RTL4: variants seen among roughly 807,000 people sequenced by gnomAD.
RTL4 encodes the protein retrotransposon Gag like 4, also known as retrotransposon Gag-like protein 4.
A neutral mutation model predicts 5.3 loss-of-function variants in RTL4; 4 were observed. The observed-to-expected ratio is 0.75, with a 90% confidence interval of 0.37 to 1.72. RTL4 has a LOEUF of 1.72. Among genes scored for constraint, RTL4 ranks in the 40% most tolerant of loss-of-function variants. The pLI is 0.04. For missense variants in RTL4, 260 were observed against 227.1 expected (o/e 1.14, Z -0.93); for synonymous variants, 98 against 87.3 (o/e 1.12, Z -0.68).
chrX:112,314,816 C>A, the RTL4 span, among the ~76,000 whole-genome samples: 8 of 111,228 alleles, frequency 7.2e-5, no homozygotes, highest in Non-Finnish European at 1.5e-4. Context: ...CCAGTTCTTC[C>A]TCTTTTCCAT....
the RTL4 span, among the ~76,000 whole-genome samples, chrX:112,096,997 G>A: frequency 3.6e-5 from 4 of 112,209 alleles, no homozygotes; most frequent in African/African-American, 9.7e-5. Flanking sequence ...ATTAAAGTGT[G>A]CCTTTATTGG....
the RTL4 span, among the ~76,000 whole-genome samples, chrX:112,434,599 T>C: frequency 8.9e-6 from 1 of 111,824 alleles, no homozygotes; most frequent in Non-Finnish European, 1.9e-5. Flanking sequence ...TCATTTTTAT[T>C]GTGTCTATTT....
At chrX:112,446,182 A>G in the RTL4 span, among the ~76,000 whole-genome samples, 1 of 112,227 alleles carries the variant, frequency 8.9e-6, no homozygotes, top group African/African-American at 3.2e-5. Flanking sequence ...TTCTGTCTTC[A>G]TTAAGGGTGG....
chrX:112,110,092 C>T, the RTL4 span, among the ~76,000 whole-genome samples: 1 of 112,055 alleles, frequency 8.9e-6, no homozygotes, highest in Admixed American at 9.4e-5. Context: ...GCCATGTCAC[C>T]CAACTCCAGA....
At chrX:112,390,207 A>G in the RTL4 span, among the ~76,000 whole-genome samples, 8 of 80,228 alleles carry the variant, frequency 1.0e-4, no homozygotes, top group Non-Finnish European at 1.6e-4. Flanking sequence ...AACCCCAGCA[A>G]TTTGGGAGGC....
the RTL4 span, among the ~76,000 whole-genome samples, chrX:112,285,390 C>T: frequency 8.9e-6 from 1 of 111,916 alleles, no homozygotes; most frequent in African/African-American, 3.2e-5. Flanking sequence ...AAAAATTGTT[C>T]AGACATATTT....
the RTL4 span, among the ~76,000 whole-genome samples, chrX:112,148,327 CAAAA>C: frequency 6.4e-5 from 4 of 62,261 alleles, no homozygotes. Flanking sequence ...TGACTGAGTG[CAAAA>C]AAAAAAAAAA....
the RTL4 span, among the ~76,000 whole-genome samples, chrX:112,140,474 A>G: frequency 8.9e-6 from 1 of 111,985 alleles, no homozygotes; most frequent in African/African-American, 3.2e-5. Flanking sequence ...AGCAACAGAA[A>G]TGTATTGCTC....
chrX:112,324,278 T>C, the RTL4 span, among the ~76,000 whole-genome samples: 2 of 112,481 alleles, frequency 1.8e-5, no homozygotes, highest in African/African-American at 6.5e-5. Context: ...TTTTTGTGGC[T>C]GAATAATATT....
chrX:112,260,480 G>A, the RTL4 span, among the ~76,000 whole-genome samples: 1 of 111,792 alleles, frequency 8.9e-6, no homozygotes, highest in African/African-American at 3.2e-5. Flanking sequence ...GTCTAGAGCA[G>A]GTATTACATT....
the RTL4 span, among the ~76,000 whole-genome samples, chrX:112,214,496 G>A: frequency 8.9e-6 from 1 of 111,949 alleles, no homozygotes; most frequent in Non-Finnish European, 1.9e-5. Flanking sequence ...ATATCTTTTC[G>A]GATCCTGATT....
At chrX:112,261,960 G>T in the RTL4 span, among the ~76,000 whole-genome samples, 1 of 111,626 alleles carries the variant, frequency 9.0e-6, no homozygotes, top group East Asian at 2.8e-4. Context: ...CCCTGTTTCA[G>T]AAATGGTGCT....
At chrX:112,084,489 T>G in the RTL4 span, among the ~76,000 whole-genome samples, 2 of 109,981 alleles carry the variant, frequency 1.8e-5, no homozygotes, top group African/African-American at 6.6e-5. Flanking sequence ...TTTCTAAAGA[T>G]TGGCCAAGAG....
At chrX:112,371,108 T>C in the RTL4 span, among the ~76,000 whole-genome samples, 3 of 111,229 alleles carry the variant, frequency 2.7e-5, no homozygotes, top group African/African-American at 6.5e-5. Flanking sequence ...CTTTCTAAGA[T>C]AGTTTTCAGC....
chrX:112,320,845 A>G, the RTL4 span, among the ~76,000 whole-genome samples: 4 of 111,799 alleles, frequency 3.6e-5, no homozygotes, highest in African/African-American at 1.3e-4. Context: ...TAAATCTCAC[A>G]TGTACTGGTT....
the RTL4 span, chrX:112,381,964 C>T: frequency 8.3e-7 from 1 of 1,206,783 alleles, no homozygotes. Flanking sequence ...TTTTTGAATA[C>T]TCCTCTGGCA....
chrX:112,090,321 C>T, the RTL4 span, among the ~76,000 whole-genome samples: 2 of 110,801 alleles, frequency 1.8e-5, no homozygotes, highest in African/African-American at 6.5e-5. Flanking sequence ...TGTCTTGTTC[C>T]TGATCTTAGG....
the RTL4 span, among the ~76,000 whole-genome samples, chrX:112,418,216 C>T: frequency 9.0e-5 from 10 of 111,334 alleles, no homozygotes; most frequent in East Asian, 2.8e-4. Flanking sequence ...GTGAATGTAC[C>T]GAAAACATTG....
the RTL4 span, among the ~76,000 whole-genome samples, chrX:112,256,878 CT>C: frequency 9.0e-6 from 1 of 111,686 alleles, no homozygotes; most frequent in African/African-American, 3.2e-5. Context: ...ATCCAGCAAT[CT>C]TTTAGTTATA....
Sources: allele counts gnomAD v4.1 joint callset (sites outside exome capture counted in the v4.1 genomes callset), GRCh38; gene constraint gnomAD v4.1.1; transcripts MANE v1.5; gene names NCBI Gene and HGNC (gene_info 2026-07-23, HGNC 2026-07-21).